Variants in HSPH1 observed in about 807,000 individuals in gnomAD.
HSPH1 encodes the protein heat shock protein 105 kDa.
Under a neutral mutation model 100.0 loss-of-function variants are expected in HSPH1, and 40 were observed. That is an observed-to-expected ratio of 0.40 (90% CI 0.31 to 0.52). The LOEUF is 0.52. Among genes scored for constraint, HSPH1 ranks in the 20% least tolerant of loss-of-function variants. The probability of loss-of-function intolerance (pLI) is 0.54; values close to 1 mark genes in which losing one functional copy is unlikely to be tolerated. For missense variants in HSPH1, 876 were observed against 1,015.1 expected (o/e 0.86, Z 1.86); for synonymous variants, 403 against 344.0 (o/e 1.17, Z -1.90).
chr13:31,155,868 C>A (rs1956668924), intron 2 of HSPH1, among the ~76,000 whole-genome samples: 1 of 152,124 alleles, frequency 6.6e-6, no homozygotes, highest in South Asian at 2.1e-4. Flanking sequence ...AGAAAGTAAG[C>A]AGCAAGAGGG....
chr13:31,157,305 C>G (rs1956733928), intron 2 of HSPH1, among the ~76,000 whole-genome samples: 1 of 152,208 alleles, frequency 6.6e-6, no homozygotes, highest in African/African-American at 2.4e-5. Context: ...ATTGTTACAA[C>G]TAAAGTCCCA....
Position 31,161,768 on chromosome 13 carries a change from G to C in HSPH1, c.-186C>G. ...CCTGTCAGGAGCCTCCTACTCCCCCGGGGACAGCGGCGGCTGGCTGATAAG... is the reference window on the plus strand; with the variant it reads ...CCTGTCAGGAGCCTCCTACTCCCCCCGGGACAGCGGCGGCTGGCTGATAAG... On this transcript the variant is annotated 5_prime_UTR_variant, in exon 1 of 18. Transcript: ENST00000320027. 2 of 1,508,760 alleles carry C rather than the reference G, an allele frequency of 1.3e-6. No homozygotes were observed. Among genetic ancestry groups the C allele is most frequent in the Middle Eastern group, 3.6e-4 (2 of 5,538 alleles). The allele number at this position is 1,508,760 out of a possible 1,614,324, so 93.5% of individuals were successfully genotyped here. A position where few individuals can be genotyped will look rare whatever the true frequency, so the allele number is the denominator to read the frequency against.
intron 12 of HSPH1, among the ~76,000 whole-genome samples, chr13:31,143,528 G>A (rs572027773): frequency 9.1e-4 from 139 of 152,102 alleles, no homozygotes; most frequent in Non-Finnish European, 1.4e-3. Context: ...ACAACGAACA[G>A]TATACATTAG....
chr13:31,150,215 T>G, intron 7 of HSPH1, 33 bp from the exon 8 acceptor site: 1 of 1,411,124 alleles, frequency 7.1e-7, no homozygotes, highest in Non-Finnish European at 9.7e-7. Flanking sequence ...TTAGAAAAGT[T>G]AAGACCAATA....
At position 31,148,619 on chromosome 13, in the gene HSPH1, A is replaced by G. The variant is rs114359042; in HGVS notation, c.1138-139T>C. 5.3e-4 allele frequency: 250 copies of G among 473,614 alleles called. 2 individuals carry two copies. The highest frequency in any genetic ancestry group is 4.7e-3 in the African/African-American group (231 of 48,868). 29.3% of individuals were successfully genotyped at this position (473,614 alleles called of 1,614,324 possible). A position where few individuals can be genotyped will look rare whatever the true frequency, so the allele number is the denominator to read the frequency against. On this transcript the variant is annotated intron_variant, in intron 8 of 17. Coordinates refer to ENST00000320027, the MANE Select transcript of HSPH1 (RefSeq NM_006644.4). ...CTCACATTCCAGAATTGTTTCCAGT[A>G]TATTTCATCTAAACAAAGAATTTAT...
Position 31,161,644 on chromosome 13 carries a change from C to G in HSPH1, c.-62G>C. The G allele has an allele frequency of 6.3e-7, 1 of 1,596,098 alleles. No individual in the cohort carries two copies. On this transcript the variant is annotated 5_prime_UTR_variant, in exon 1 of 18. Transcript: ENST00000320027. ...TCTGCGTCCTCCGGCCCCCTGCCTG[C>G]TTCTCCTGCCGCCGCTTTCTGCCCT...
At chr13:31,161,086 G>C (rs1183703084) in intron 1 of HSPH1, among the ~76,000 whole-genome samples, 2 of 152,240 alleles carry the variant, frequency 1.3e-5, no homozygotes, top group South Asian at 4.1e-4. Flanking sequence ...AGAGAGGCCG[G>C]GTGGGGATAC....
At chr13:31,152,789 A>G (rs1215961902) in intron 5 of HSPH1, 63 bp downstream of exon 5, 1 of 1,098,252 alleles carries the variant, frequency 9.1e-7, no homozygotes, top group African/African-American at 1.5e-5. Context: ...AGAAAGTAAT[A>G]GCACTGAGAA....
At chr13:31,161,960 A>G (rs1195739243), upstream of HSPH1, 2 of 1,535,832 alleles carry the variant, frequency 1.3e-6, no homozygotes, top group African/African-American at 1.4e-5. Context: ...AGAACTTTCC[A>G]GAATCTGCGG....
rs749589942 is a variant in HSPH1, at chr13:31,150,961, G to A, written c.894C>T (p.Ser298=). 6.5e-5 allele frequency: 105 copies of A among 1,609,540 alleles called. No individual in the cohort carries two copies. The South Asian group carries it at 8.8e-4, about 13-fold the overall frequency. ...TCAAGACACACCTGTTCATCTTTCCGGAAACATCTTTATCATTCATAAAGC... is the reference window on the plus strand; with the variant it reads ...TCAAGACACACCTGTTCATCTTTCCAGAAACATCTTTATCATTCATAAAGC... The part of the protein sequence containing the change: ...IECFMNDKDV[S]GKMNRSQFEE... Residue 298 remains serine, a synonymous_variant, in exon 7 of 18, where the codon TCC becomes TCT. Coordinates refer to ENST00000320027, the MANE Select transcript of HSPH1 (RefSeq NM_006644.4).
intron 1 of HSPH1, among the ~76,000 whole-genome samples, chr13:31,161,110 G>A (rs1956888733): frequency 6.6e-6 from 1 of 152,232 alleles, no homozygotes. Flanking sequence ...GGCGGCCGCG[G>A]AAGGCGCAGG....
intron 3 of HSPH1, 70 bp from the exon 4 acceptor site, chr13:31,154,825 A>G: frequency 7.5e-7 from 1 of 1,342,066 alleles, no homozygotes; most frequent in Non-Finnish European, 1.0e-6. Flanking sequence ...TTAACTTCCA[A>G]AAATTAGCAC....
chr13:31,139,426 A>T (rs118123133), intron 14 of HSPH1, among the ~76,000 whole-genome samples: 1 of 152,198 alleles, frequency 6.6e-6, no homozygotes, highest in East Asian at 1.9e-4. Context: ...ATACAAATTG[A>T]CAATCACTGA....
At chr13:31,158,456 G>A (rs1210166008) in intron 2 of HSPH1, among the ~76,000 whole-genome samples, 3 of 150,710 alleles carry the variant, frequency 2.0e-5, no homozygotes, top group Non-Finnish European at 2.9e-5. Context: ...GGCTGAGGCA[G>A]GAGAATCGCT....
At chr13:31,140,125 T>C in intron 14 of HSPH1, 59 bp downstream of exon 14, 1 of 1,459,506 alleles carries the variant, frequency 6.9e-7, no homozygotes, top group Non-Finnish European at 9.2e-7. Context: ...AACTGTCAAT[T>C]TTGATATTAA....
At position 31,136,975 on chromosome 13, in the gene HSPH1, T is replaced by C; in HGVS notation, c.*343A>G. The C allele has an allele frequency of 2.8e-6, 1 of 363,150 alleles. No homozygotes were observed. Among genetic ancestry groups the C allele is most frequent in the South Asian group, 2.4e-5 (1 of 41,252 alleles). 22.5% of individuals were successfully genotyped at this position (363,150 alleles called of 1,614,324 possible). On this transcript the variant is annotated 3_prime_UTR_variant, in exon 18 of 18. Coordinates refer to ENST00000320027, the MANE Select transcript of HSPH1 (RefSeq NM_006644.4). Reference sequence around the variant, plus strand: ...AGAAAACTACCTTGGCAGGAACAAATGCTTAAAGATTTTAATCACAGCCCT... The same window carrying C: ...AGAAAACTACCTTGGCAGGAACAAACGCTTAAAGATTTTAATCACAGCCCT...
rs1955881329 is a variant in HSPH1, at chr13:31,136,300, A to C, written c.*1018T>G. 1 of 152,210 alleles carries C rather than the reference A, an allele frequency of 6.6e-6. No homozygotes were observed. The allele number at this position is 152,210 out of a possible 1,614,324, so 9.4% of individuals were successfully genotyped here. A position where few individuals can be genotyped will look rare whatever the true frequency, so the allele number is the denominator to read the frequency against. ...AATTTCCCTGGCACAGAGTTTTTAA[A>C]AACAGCCTACAGCACTATAACATAG... On this transcript the variant is annotated 3_prime_UTR_variant, in exon 18 of 18. Coordinates refer to ENST00000320027, the MANE Select transcript of HSPH1 (RefSeq NM_006644.4).
chr13:31,143,890 T>G lies in HSPH1; in HGVS notation c.1618A>C (p.Thr540Pro). Residue 540 changes from threonine to proline, a missense_variant, in exon 12 of 18, where the codon ACA (threonine) becomes CCA (proline). Transcript: ENST00000320027. Reference protein sequence around the residue: ...NVQQDNSEAGTQPQVQTDAQQ... With the variant: ...NVQQDNSEAGPQPQVQTDAQQ... ...GCATCAGTTTGTACCTGGGGCTGTGTTCCAGCTTCACTGTTGTCTTGCTGG... is the reference window on the plus strand; with the variant it reads ...GCATCAGTTTGTACCTGGGGCTGTGGTCCAGCTTCACTGTTGTCTTGCTGG... 6.2e-7 allele frequency: 1 copy of G among 1,609,072 alleles called. No homozygotes were observed. The highest frequency in any genetic ancestry group is 8.5e-7 in the Non-Finnish European group (1 of 1,177,448).
rs755667344 is a variant in HSPH1, at chr13:31,161,673, C to G, written c.-91G>C. 1.5e-5 allele frequency: 24 copies of G among 1,568,606 alleles called. No homozygotes were observed. The highest frequency in any genetic ancestry group is 2.1e-5 in the Non-Finnish European group (24 of 1,163,946). ...TCCTGCCGCCGCTTTCTGCCCTGGC[C>G]GCGTTCTGCTCCGGCCCGCGGGGTC... is the stretch of plus-strand genomic sequence containing the variant. On this transcript the variant is annotated 5_prime_UTR_variant, in exon 1 of 18. Transcript: ENST00000320027.
Sources: allele counts gnomAD v4.1 joint callset (sites outside exome capture counted in the v4.1 genomes callset), GRCh38; gene constraint gnomAD v4.1.1; transcripts MANE v1.5; gene names NCBI Gene and HGNC (gene_info 2026-07-23, HGNC 2026-07-21).